GFRA1: variants seen among roughly 807,000 people sequenced by gnomAD.
GFRA1 encodes the protein GDNF family receptor alpha 1, also known as GDNF family receptor alpha-1.
Under a neutral mutation model 51.6 loss-of-function variants are expected in GFRA1, and 16 were observed. The observed-to-expected ratio is 0.31, with a 90% confidence interval of 0.21 to 0.47. The LOEUF (loss-of-function observed/expected upper bound fraction) is 0.47. GFRA1 is among the 20% of genes least tolerant of loss of function. GFRA1 has a pLI of 1.00. For missense variants in GFRA1, 530 were observed against 594.3 expected (o/e 0.89, Z 1.13); for synonymous variants, 270 against 241.3 (o/e 1.12, Z -1.10).
chr10:116,215,415 C>T (rs1209646896), intron 4 of GFRA1, among the ~76,000 whole-genome samples: 2 of 152,160 alleles, frequency 1.3e-5, no homozygotes, highest in Non-Finnish European at 2.9e-5. Flanking sequence ...GTCATTTACA[C>T]AAATCAAAAG....
chr10:116,254,319 CAAA>C (rs67848241), intron 4 of GFRA1, among the ~76,000 whole-genome samples: 3 of 106,802 alleles, frequency 2.8e-5, no homozygotes, highest in Non-Finnish European at 3.6e-5. Context: ...GAGCCTCTGT[CAAA>C]AAAAAAAAAA....
intron 4 of GFRA1, among the ~76,000 whole-genome samples, chr10:116,250,047 CG>C (rs566001653): frequency 6.6e-6 from 1 of 151,938 alleles, no homozygotes; most frequent in Non-Finnish European, 1.5e-5. Flanking sequence ...TTCCAGATGA[CG>C]GGGGGAAGGC....
At chr10:116,137,041 T>G (rs1383801982) in intron 5 of GFRA1, among the ~76,000 whole-genome samples, 1 of 152,206 alleles carries the variant, frequency 6.6e-6, no homozygotes, top group Non-Finnish European at 1.5e-5. Context: ...AGGAGAATAT[T>G]CATTTGAATG....
intron 5 of GFRA1, among the ~76,000 whole-genome samples, chr10:116,172,308 CCT>C (rs1314350883): frequency 1.3e-5 from 2 of 152,176 alleles, no homozygotes; most frequent in Non-Finnish European, 2.9e-5. Context: ...CATCTGCCCA[CCT>C]ACTCGGGAAA....
Position 116,201,193 on chromosome 10 carries a change from T to C in GFRA1, c.433+10438A>G, listed in dbSNP as rs527837078. Among the ~76,000 whole-genome samples the C allele has an allele frequency of 5.0e-4, 76 of 152,240 alleles. 1 individual carries two copies. Among genetic ancestry groups the C allele is most frequent in the African/African-American group, 1.7e-3 (71 of 41,546 alleles). ...CATCCACTCAGGGGTATAATATTCA[T>C]GCTGATTGGGAGTGCTGAGTCACTG... On this transcript the variant is annotated intron_variant, in intron 5 of 10. Transcript: ENST00000355422.
At chr10:116,111,066 G>A (rs1006702442) in intron 6 of GFRA1, among the ~76,000 whole-genome samples, 14 of 152,250 alleles carry the variant, frequency 9.2e-5, no homozygotes, top group Non-Finnish European at 1.8e-4. Context: ...GACAACCAAG[G>A]GTGCTTCTAC....
chr10:116,165,779 C>A (rs573110571), intron 5 of GFRA1, among the ~76,000 whole-genome samples: 12 of 151,800 alleles, frequency 7.9e-5, no homozygotes, highest in Non-Finnish European at 1.6e-4. Flanking sequence ...GACCTTGTGG[C>A]GATTTATTTT....
intron 5 of GFRA1, among the ~76,000 whole-genome samples, chr10:116,129,015 C>A (rs891033741): frequency 6.6e-6 from 1 of 152,144 alleles, no homozygotes; most frequent in Admixed American, 6.6e-5. Context: ...AGAGCACCAT[C>A]TCCTTACATT....
chr10:116,115,156 T>C (rs1957363480), intron 6 of GFRA1, among the ~76,000 whole-genome samples: 1 of 152,222 alleles, frequency 6.6e-6, no homozygotes, highest in Non-Finnish European at 1.5e-5. Context: ...CCTTTGGAAA[T>C]GACGAGCAAT....
chr10:116,099,046 G>C (rs940492352), intron 6 of GFRA1, among the ~76,000 whole-genome samples: 2 of 152,144 alleles, frequency 1.3e-5, no homozygotes, highest in Non-Finnish European at 2.9e-5. Context: ...ACATTTCCAC[G>C]TTTTATCACA....
chr10:116,082,172 G>C (rs1343489610), intron 9 of GFRA1, among the ~76,000 whole-genome samples: 1 of 152,148 alleles, frequency 6.6e-6, no homozygotes, highest in Admixed American at 6.5e-5. Flanking sequence ...GACCGTGGCA[G>C]CTAGTTCCAC....
chr10:116,073,869 G>A (rs1006617661), intron 9 of GFRA1, among the ~76,000 whole-genome samples: 2 of 152,092 alleles, frequency 1.3e-5, no homozygotes, highest in African/African-American at 2.4e-5. Context: ...AAAACACCAC[G>A]GTTTGGAGAC....
chr10:116,087,552 T>G (rs1956150336), intron 9 of GFRA1, among the ~76,000 whole-genome samples: 1 of 152,192 alleles, frequency 6.6e-6, no homozygotes, highest in South Asian at 2.1e-4. Flanking sequence ...GCCTCTGCAG[T>G]CACCCTCTGT....
At chr10:116,117,769 G>C (rs1957487627) in intron 6 of GFRA1, among the ~76,000 whole-genome samples, 1 of 152,128 alleles carries the variant, frequency 6.6e-6, no homozygotes, top group African/African-American at 2.4e-5. Context: ...ATAAATGGAA[G>C]GAGAGAGAAA....
At chr10:116,176,821 A>G (rs758605990) in intron 5 of GFRA1, among the ~76,000 whole-genome samples, 2 of 148,990 alleles carry the variant, frequency 1.3e-5, no homozygotes, top group Non-Finnish European at 3.0e-5. Flanking sequence ...ACTCTGTGAC[A>G]GTCCTCAGGA....
chr10:116,195,709 G>C (rs1035118702), intron 5 of GFRA1, among the ~76,000 whole-genome samples: 3 of 152,180 alleles, frequency 2.0e-5, no homozygotes, highest in African/African-American at 7.2e-5. Flanking sequence ...AGGACAAACT[G>C]ATTGCTATAT....
intron 2 of GFRA1, among the ~76,000 whole-genome samples, chr10:116,271,533 C>A (rs1296566505): frequency 6.6e-6 from 1 of 152,060 alleles, no homozygotes; most frequent in Non-Finnish European, 1.5e-5. Flanking sequence ...GACTGGGCAC[C>A]GGGCGCGCGC....
At chr10:116,258,418 A>T (rs1201439294) in intron 4 of GFRA1, among the ~76,000 whole-genome samples, 2 of 147,726 alleles carry the variant, frequency 1.4e-5, no homozygotes, top group Non-Finnish European at 3.0e-5. Context: ...TATATTAATA[A>T]AATAAATATA....
In GFRA1 at chr10:116,161,491, C is replaced by T. The variant is rs1166446301; in HGVS notation, c.434-35934G>A. On this transcript the variant is annotated intron_variant, in intron 5 of 10. Coordinates refer to ENST00000355422, the MANE Select transcript of GFRA1 (RefSeq NM_005264.8). ...CAACTTTGGCATGAAAATGTATACC[C>T]TATTGATATGGTTTGTCTGTGTCCC... Among the ~76,000 whole-genome samples the T allele has an allele frequency of 3.3e-5, 5 of 152,156 alleles. No homozygotes were observed. In the East Asian group the frequency reaches 7.7e-4, roughly 23 times the overall value.
Sources: allele counts gnomAD v4.1 joint callset (sites outside exome capture counted in the v4.1 genomes callset), GRCh38; gene constraint gnomAD v4.1.1; transcripts MANE v1.5; gene names NCBI Gene and HGNC (gene_info 2026-07-23, HGNC 2026-07-21).